Variants in ANKS1A observed in about 807,000 individuals in gnomAD.
ANKS1A encodes the protein ankyrin repeat and sterile alpha motif domain containing 1A.
A neutral mutation model predicts 120.3 loss-of-function variants in ANKS1A; 55 were observed. The observed-to-expected ratio is 0.46, with a 90% confidence interval of 0.37 to 0.57. The LOEUF is 0.57. Ranked by LOEUF, ANKS1A falls within the 20% of genes least tolerant of loss-of-function variation. The pLI, the probability that ANKS1A is intolerant of heterozygous loss-of-function variation, is 0.00. For missense variants in ANKS1A, 1,123 were observed against 1,480.3 expected (o/e 0.76, Z 3.96); for synonymous variants, 590 against 604.7 (o/e 0.98, Z 0.36).
chr6:34,943,021 G>A (rs1769610231), intron 1 of ANKS1A, among the ~76,000 whole-genome samples: 1 of 149,402 alleles, frequency 6.7e-6, no homozygotes, highest in African/African-American at 2.5e-5. Context: ...AGGCTGGAGT[G>A]TAGTAGTACA....
At chr6:35,025,057 A>G (rs1186342255) in intron 11 of ANKS1A, among the ~76,000 whole-genome samples, 1 of 152,118 alleles carries the variant, frequency 6.6e-6, no homozygotes, top group Admixed American at 6.5e-5. Context: ...GTTTCCAAGT[A>G]TACAGAGTAG....
At chr6:34,951,687 C>CA in intron 1 of ANKS1A, among the ~76,000 whole-genome samples, 1 of 152,074 alleles carries the variant, frequency 6.6e-6, no homozygotes, top group Non-Finnish European at 1.5e-5. Context: ...TTAATGTCCC[C>CA]AAAATGACAA....
intron 1 of ANKS1A, among the ~76,000 whole-genome samples, chr6:34,897,297 A>G (rs1345474108): frequency 6.6e-6 from 1 of 152,204 alleles, no homozygotes; most frequent in African/African-American, 2.4e-5. Context: ...TTATGGTCCC[A>G]GTGAAAGTTA....
chr6:35,013,907 C>T (rs1024092188), intron 10 of ANKS1A, among the ~76,000 whole-genome samples: 5 of 152,184 alleles, frequency 3.3e-5, no homozygotes, highest in African/African-American at 9.7e-5. Context: ...TGTGTTGTAA[C>T]GGACCCTGTG....
intron 1 of ANKS1A, among the ~76,000 whole-genome samples, chr6:34,907,271 GTAGTT>G (rs1157190925): frequency 6.6e-6 from 1 of 152,164 alleles, no homozygotes; most frequent in African/African-American, 2.4e-5. Flanking sequence ...AACAAAGTCT[GTAGTT>G]TAGTTAAGAG....
chr6:35,021,505 T>C (rs1774340086), intron 11 of ANKS1A, among the ~76,000 whole-genome samples: 1 of 152,224 alleles, frequency 6.6e-6, no homozygotes, highest in Non-Finnish European at 1.5e-5. Context: ...ATTATTCTTA[T>C]TTGTGAAACT....
intron 3 of ANKS1A, among the ~76,000 whole-genome samples, chr6:34,980,649 C>T (rs1344520442): frequency 2.6e-5 from 4 of 152,208 alleles, no homozygotes; most frequent in Non-Finnish European, 5.9e-5. Flanking sequence ...TAGCAGAAGC[C>T]TCCTGGATAA....
At chr6:34,925,572 G>A (rs1371340709) in intron 1 of ANKS1A, among the ~76,000 whole-genome samples, 1 of 152,230 alleles carries the variant, frequency 6.6e-6, no homozygotes, top group Non-Finnish European at 1.5e-5. Context: ...TGGAGGAAGA[G>A]CCTCCTTGCC....
chr6:34,930,743 C>T (rs1233605877), intron 1 of ANKS1A, among the ~76,000 whole-genome samples: 1 of 152,152 alleles, frequency 6.6e-6, no homozygotes, highest in Non-Finnish European at 1.5e-5. Context: ...GAAGTATCAA[C>T]TTGCCTCGTT....
chr6:35,011,084 A>T (rs1773735798), intron 10 of ANKS1A, among the ~76,000 whole-genome samples: 1 of 152,204 alleles, frequency 6.6e-6, no homozygotes, highest in East Asian at 1.9e-4. Context: ...AGGGATACTA[A>T]TTCTTACCTC....
intron 1 of ANKS1A, among the ~76,000 whole-genome samples, chr6:34,950,462 C>T (rs9380475): frequency 0.12 from 17,477 of 151,958 alleles, 1,218 homozygotes; most frequent in East Asian, 0.34. Context: ...CTCCTGACCT[C>T]AGGTGATCTG....
chr6:34,964,736 TG>T (rs1770811731), intron 1 of ANKS1A, among the ~76,000 whole-genome samples: 1 of 152,234 alleles, frequency 6.6e-6, no homozygotes, highest in Non-Finnish European at 1.5e-5. Context: ...GTATTTCTGT[TG>T]GGTAATTGCC....
intron 1 of ANKS1A, among the ~76,000 whole-genome samples, chr6:34,947,080 G>A: frequency 6.7e-6 from 1 of 149,734 alleles, no homozygotes; most frequent in Non-Finnish European, 1.5e-5. Flanking sequence ...TAGAGTTAAT[G>A]TAAAATATTA....
chr6:34,915,517 T>C (rs1768113638), intron 1 of ANKS1A, among the ~76,000 whole-genome samples: 1 of 152,148 alleles, frequency 6.6e-6, no homozygotes, highest in African/African-American at 2.4e-5. Context: ...CGACTAATTT[T>C]TAAATTTTTT....
chr6:35,062,820 T>C (rs1010251368), intron 13 of ANKS1A, among the ~76,000 whole-genome samples: 1 of 152,204 alleles, frequency 6.6e-6, no homozygotes, highest in Non-Finnish European at 1.5e-5. Context: ...CACTACCTTG[T>C]AAGGAGGTTA....
intron 11 of ANKS1A, among the ~76,000 whole-genome samples, chr6:35,028,074 A>C (rs1561923847): frequency 6.6e-6 from 1 of 152,224 alleles, no homozygotes; most frequent in Non-Finnish European, 1.5e-5. Flanking sequence ...GGCTGTCCTG[A>C]TTTAAACAGG....
At position 34,889,877 on chromosome 6, in the gene ANKS1A, A is replaced by G. The variant is rs1327755385; in HGVS notation, c.197+278A>G. 6.6e-6 allele frequency among the ~76,000 whole-genome samples: 1 copy of G among 151,896 alleles called. No individual in the cohort carries two copies. The highest frequency in any genetic ancestry group is 2.4e-5 in the African/African-American group (1 of 41,320). On this transcript the variant is annotated intron_variant, in intron 1 of 23. Transcript: ENST00000360359. This position sits in a 1 kb window ranked among gnomAD's most constrained non-coding sequence, Gnocchi z 5.5. ...CCGCCGCATGGCACAGCCAGGGTTC[A>G]CTCTCGCTCGCTACAGGGTGCCAGC...
At chr6:35,006,472 C>T (rs1337267676) in intron 10 of ANKS1A, among the ~76,000 whole-genome samples, 3 of 151,390 alleles carry the variant, frequency 2.0e-5, no homozygotes, top group Non-Finnish European at 3.0e-5. Flanking sequence ...CAAAACATCT[C>T]GGCCAGGCGT....
chr6:34,921,476 T>A (rs936136871), intron 1 of ANKS1A, among the ~76,000 whole-genome samples: 1 of 152,212 alleles, frequency 6.6e-6, no homozygotes, highest in Non-Finnish European at 1.5e-5. Context: ...GTTCCAGCCT[T>A]TTTATAACAT....
Sources: allele counts gnomAD v4.1 joint callset (sites outside exome capture counted in the v4.1 genomes callset), GRCh38; gene constraint gnomAD v4.1.1; non-coding constraint Gnocchi (gnomAD v3.1); transcripts MANE v1.5; gene names NCBI Gene and HGNC (gene_info 2026-07-23, HGNC 2026-07-21).